The following EHMT1 variants were observed in gnomAD, a reference collection of about 807,000 sequenced individuals.
EHMT1 encodes euchromatic histone lysine methyltransferase 1.
Under a neutral mutation model 147.2 loss-of-function variants are expected in EHMT1, and 15 were observed. That is an observed-to-expected ratio of 0.10 (90% confidence interval 0.07 to 0.16). The LOEUF (loss-of-function observed/expected upper bound fraction) is 0.16. EHMT1 is among the 10% of genes least tolerant of loss of function. EHMT1 has a pLI of 1.00. For missense variants in EHMT1, 1,587 were observed against 1,772.4 expected (o/e 0.90, Z 1.88); for synonymous variants, 795 against 709.6 (o/e 1.12, Z -1.91).
chr9:137,667,933 G>A (rs1161783519), intron 1 of EHMT1, among the ~76,000 whole-genome samples: 1 of 152,126 alleles, frequency 6.6e-6, no homozygotes, highest in African/African-American at 2.4e-5. Flanking sequence ...TACCTTCAGG[G>A]TAAATTACCT....
intron 3 of EHMT1, among the ~76,000 whole-genome samples, chr9:137,724,393 G>T (rs1946389314): frequency 6.6e-6 from 1 of 152,212 alleles, no homozygotes; most frequent in South Asian, 2.1e-4. Flanking sequence ...GATGGGATGG[G>T]CCGGCCGTGC....
Position 137,787,715 on chromosome 9 carries a change from C to A in EHMT1, c.2383-3133C>A, listed in dbSNP as rs1588708830. 2 of 720,306 alleles carry A rather than the reference C, an allele frequency of 2.8e-6. No individual in the cohort carries two copies. Among genetic ancestry groups the A allele is most frequent in the East Asian group, 2.5e-5 (1 of 39,714 alleles). The allele number at this position is 720,306 out of a possible 1,614,324, so 44.6% of individuals were successfully genotyped here. On this transcript the variant is annotated intron_variant, in intron 15 of 26. Transcript: ENST00000460843. This position sits in a 1 kb window ranked among gnomAD's most constrained non-coding sequence, Gnocchi z 4.2. ...CCGCCTGGGCCAGGGGCCGCCAGGT[C>A]CCCAGGGTGCCACCGAAACATCGTA...
rs201649287 is a variant in EHMT1, at chr9:137,787,212, TA to T, written c.2383-3627del. 5 of 151,076 alleles carry T rather than the reference TA, an allele frequency of 3.3e-5. No homozygotes were observed. Among genetic ancestry groups the T allele is most frequent in the Non-Finnish European group, 5.9e-5 (4 of 67,768 alleles). The allele number at this position is 151,076 out of a possible 1,614,324, so 9.4% of individuals were successfully genotyped here. ...GGTCTGCTCTTCTGTCATCTCTCAT[TA>T]AAAAAAAATGTTGTAAATTCCTTTA... is the stretch of plus-strand genomic sequence containing the variant. On this transcript the variant is annotated intron_variant, in intron 15 of 26. Transcript: ENST00000460843. The surrounding 1 kb of genome is among the most constrained non-coding windows in gnomAD (Gnocchi z 4.2).
chr9:137,830,292 G>T (rs1956101700), intron 25 of EHMT1, among the ~76,000 whole-genome samples: 1 of 152,102 alleles, frequency 6.6e-6, no homozygotes, highest in African/African-American at 2.4e-5. Context: ...CTTGGAATCA[G>T]CCATTTCTCC....
intron 25 of EHMT1, among the ~76,000 whole-genome samples, chr9:137,830,557 A>G (rs1249522024): frequency 2.6e-5 from 4 of 152,204 alleles, no homozygotes; most frequent in African/African-American, 7.2e-5. Flanking sequence ...TAAAATCTTT[A>G]GTTTCAAAAT....
intron 18 of EHMT1, among the ~76,000 whole-genome samples, chr9:137,809,071 GGGTGGAGGAGCCCAAGAGCAGCAGA>G (rs1049678646): frequency 1.4e-4 from 22 of 152,218 alleles, no homozygotes; most frequent in African/African-American, 5.1e-4. Context: ...AAGAGCAGAG[GGGTGGAGGAGCCCAAGAGCAGCAGA>G]GGCTCTTCAG....
At chr9:137,798,706 A>G (rs1387338426) in intron 16 of EHMT1, 107 bp from the exon 17 acceptor site, 8 of 910,036 alleles carry the variant, frequency 8.8e-6, no homozygotes, top group Non-Finnish European at 1.5e-5. Context: ...GCAGGACAGT[A>G]CCCCACCCGC....
At position 137,835,069 on chromosome 9, in the gene EHMT1, G is replaced by A. The variant is rs927384842; in HGVS notation, c.*116G>A. ...AGGGTCCTTCGGGGCTGCGCCGCCG[G>A]CTTCCTGGAGGGGTCGGAGGTGAGG... On this transcript the variant is annotated 3_prime_UTR_variant, in exon 27 of 27. Transcript: ENST00000460843. 4.1e-6 allele frequency: 5 copies of A among 1,221,320 alleles called. No individual in the cohort carries two copies. Among genetic ancestry groups the A allele is most frequent in the Non-Finnish European group, 4.2e-6 (4 of 948,762 alleles). The allele number at this position is 1,221,320 out of a possible 1,614,324, so 75.7% of individuals were successfully genotyped here. A position where few individuals can be genotyped will look rare whatever the true frequency, so the allele number is the denominator to read the frequency against.
At chr9:137,834,231 G>A in intron 25 of EHMT1, 118 bp from the exon 26 acceptor site, 1 of 1,355,938 alleles carries the variant, frequency 7.4e-7, no homozygotes, top group African/African-American at 1.4e-5. Flanking sequence ...GGCCCCTCCT[G>A]CATGGCGGGC....
At chr9:137,736,890 C>CAA (rs142556398) in intron 4 of EHMT1, among the ~76,000 whole-genome samples, 4 of 149,204 alleles carry the variant, frequency 2.7e-5, no homozygotes, top group African/African-American at 9.9e-5. Context: ...GCCTGTGTCT[C>CAA]AAAAAAAAAG....
At chr9:137,690,798 C>CA (rs1942867908) in intron 1 of EHMT1, among the ~76,000 whole-genome samples, 1 of 152,174 alleles carries the variant, frequency 6.6e-6, no homozygotes, top group Non-Finnish European at 1.5e-5. Context: ...GTTGCTGTTA[C>CA]AAATTGCACT....
In EHMT1 at chr9:137,775,369, C is replaced by G; in HGVS notation, c.1791+117C>G. On this transcript the variant is annotated intron_variant, in intron 11 of 26. Transcript: ENST00000460843. This position sits in a 1 kb window ranked among gnomAD's most constrained non-coding sequence, Gnocchi z 6.1. Reference sequence around the variant, plus strand: ...GGGTGGTCCAGCAGCTGGCCCAGGTCTGGTGTCCGTCTGGAGGTCTCCAGT... The same window carrying G: ...GGGTGGTCCAGCAGCTGGCCCAGGTGTGGTGTCCGTCTGGAGGTCTCCAGT... 6.8e-7 allele frequency: 1 copy of G among 1,464,218 alleles called. No individual in the cohort carries two copies. Among genetic ancestry groups the G allele is most frequent in the Non-Finnish European group, 9.2e-7 (1 of 1,084,196 alleles). The allele number at this position is 1,464,218 out of a possible 1,614,324, so 90.7% of individuals were successfully genotyped here.
At chr9:137,738,902 T>C (rs1947800184) in intron 4 of EHMT1, 1 of 152,054 alleles carries the variant, frequency 6.6e-6, no homozygotes, top group Admixed American at 6.5e-5. Flanking sequence ...AGGAAGGGAA[T>C]GGAGAGTTAG....
intron 1 of EHMT1, among the ~76,000 whole-genome samples, chr9:137,635,699 A>G (rs975685117): frequency 3.3e-5 from 5 of 151,032 alleles, no homozygotes; most frequent in South Asian, 2.1e-4. Context: ...GGGCGCCTGT[A>G]GTTCCAGCTA....
rs562434804 is a variant in EHMT1 at position 137,661,611 on chromosome 9, G to A, written c.21+42562G>A. ...AGCAATTCTCCTGCCTCAGCCTCCC[G>A]AGTAGCTGGGACTACAGGTGCGCAC... On this transcript the variant is annotated intron_variant, in intron 1 of 26. Transcript: ENST00000460843. 4.8e-5 allele frequency among the ~76,000 whole-genome samples: 7 copies of A among 145,614 alleles called. No individual in the cohort carries two copies. In the East Asian group the frequency reaches 6.2e-4, roughly 13 times the overall value.
intron 1 of EHMT1, chr9:137,676,634 C>T (rs1941359124): frequency 6.6e-6 from 1 of 152,452 alleles, no homozygotes; most frequent in South Asian, 2.1e-4. Context: ...CCCCCGCAAG[C>T]CTTTACGCCA....
At position 137,834,133 on chromosome 9, in the gene EHMT1, C is replaced by G. The variant is rs377597280; in HGVS notation, c.3541-216C>G. On this transcript the variant is annotated intron_variant, in intron 25 of 26. Coordinates refer to ENST00000460843, the MANE Select transcript of EHMT1 (RefSeq NM_024757.5). ...CACCCCACCACAGACGGAGGCCCAGCGAGGACGGCAGGGTGCGGGGTGGGT... is the reference window on the plus strand; with the variant it reads ...CACCCCACCACAGACGGAGGCCCAGGGAGGACGGCAGGGTGCGGGGTGGGT... The G allele has an allele frequency of 2.1e-5, 13 of 633,908 alleles. 1 individual carries two copies. The highest frequency in any genetic ancestry group is 5.6e-5 in the East Asian group (2 of 36,002). 39.3% of individuals were successfully genotyped at this position (633,908 alleles called of 1,614,324 possible). A position where few individuals can be genotyped will look rare whatever the true frequency, so the allele number is the denominator to read the frequency against.
intron 6 of EHMT1, among the ~76,000 whole-genome samples, chr9:137,749,291 G>A (rs1948792067): frequency 6.6e-6 from 1 of 152,152 alleles, no homozygotes; most frequent in South Asian, 2.1e-4. Context: ...TTGTGTGTGT[G>A]TGTGTCTTGC....
chr9:137,734,434 A>G (rs931357391), intron 4 of EHMT1, among the ~76,000 whole-genome samples: 2 of 152,244 alleles, frequency 1.3e-5, no homozygotes, highest in Non-Finnish European at 2.9e-5. Context: ...AGTGAAAATA[A>G]TCAAGTTTGA....
Sources: gnomAD v4.1 joint callset for allele counts (sites outside exome capture counted in the v4.1 genomes callset) on GRCh38, gnomAD v4.1.1 for gene constraint, Gnocchi (gnomAD v3.1) non-coding constraint, MANE v1.5 for transcripts, NCBI Gene and HGNC (gene_info 2026-07-23, HGNC 2026-07-21) for gene names.